The following XXYLT1 variants were observed in gnomAD, a reference collection of about 807,000 sequenced individuals.
The protein encoded by XXYLT1 is xyloside xylosyltransferase 1, also known as UDP-xylose:alpha-xyloside alpha-1,3-xylosyltransferase.
In XXYLT1, 20 loss-of-function variants were observed where a neutral mutation model predicts 28.9. That is an observed-to-expected ratio of 0.69 (90% confidence interval 0.49 to 1.00). XXYLT1 has a LOEUF of 1.00. XXYLT1 is among the 50% of genes least tolerant of loss of function. The probability of loss-of-function intolerance (pLI) is 0.00; values close to 1 mark genes in which losing one functional copy is unlikely to be tolerated. For synonymous variants in XXYLT1, 257 were observed against 253.8 expected, an observed-to-expected ratio of 1.01 and a Z score of -0.12; for missense variants, 542 against 560.1, an observed-to-expected ratio of 0.97 and a Z score of 0.33.
chr3:195,131,392 T>C (rs1160872751), intron 3 of XXYLT1, among the ~76,000 whole-genome samples: 2 of 152,262 alleles, frequency 1.3e-5, no homozygotes, highest in Admixed American at 6.5e-5. Context: ...GGCCTTGGCT[T>C]TGCAGCTAGC....
chr3:195,172,160 T>C (rs1470479394), intron 2 of XXYLT1, among the ~76,000 whole-genome samples: 2 of 152,228 alleles, frequency 1.3e-5, no homozygotes, highest in Non-Finnish European at 2.9e-5. Flanking sequence ...AAAGCACTTC[T>C]AGCCCAGGCG....
intron 2 of XXYLT1, among the ~76,000 whole-genome samples, chr3:195,179,746 C>T (rs1382240444): frequency 1.3e-5 from 2 of 152,056 alleles, no homozygotes; most frequent in Non-Finnish European, 1.5e-5. Flanking sequence ...TTTCATCCTG[C>T]CCATGAGAAA....
At position 195,169,871 on chromosome 3, in the gene XXYLT1, T is replaced by TA. The variant is rs558011536; in HGVS notation, c.653-13291_653-13290insT. Among the ~76,000 whole-genome samples the TA allele has an allele frequency of 6.6e-3, 895 of 135,258 alleles. 1 individual carries two copies. The highest frequency in any genetic ancestry group is 0.046 in the Middle Eastern group (13 of 282). The allele number at this position is 135,258 out of a possible 152,430, so 88.7% of individuals were successfully genotyped here. A position where few individuals can be genotyped will look rare whatever the true frequency, so the allele number is the denominator to read the frequency against. ...TGTGTACATATATATATATATATAT[T>TA]TTTTTTTTTTTGAGATGGAGTTTTG... On this transcript the variant is annotated intron_variant, in intron 2 of 3. Coordinates refer to ENST00000310380, the MANE Select transcript of XXYLT1 (RefSeq NM_152531.5).
At chr3:195,239,310 A>G (rs1724682835) in intron 1 of XXYLT1, among the ~76,000 whole-genome samples, 1 of 152,184 alleles carries the variant, frequency 6.6e-6, no homozygotes, top group South Asian at 2.1e-4. Flanking sequence ...TGCCCAGACC[A>G]GGGGCTGATG....
chr3:195,208,835 G>T (rs562882273), intron 2 of XXYLT1, among the ~76,000 whole-genome samples: 1 of 152,168 alleles, frequency 6.6e-6, no homozygotes, highest in Non-Finnish European at 1.5e-5. Flanking sequence ...TCCCCGGGAG[G>T]TCACTGGGCG....
At chr3:195,080,915 T>C (rs1234804899) in intron 3 of XXYLT1, among the ~76,000 whole-genome samples, 1 of 152,216 alleles carries the variant, frequency 6.6e-6, no homozygotes, top group Non-Finnish European at 1.5e-5. Context: ...GCAAACTGTG[T>C]TACTTCTCAA....
At chr3:195,199,746 T>C (rs920634073) in intron 2 of XXYLT1, among the ~76,000 whole-genome samples, 1 of 152,204 alleles carries the variant, frequency 6.6e-6, no homozygotes, top group African/African-American at 2.4e-5. Flanking sequence ...AAAATCAGGC[T>C]GCAGAGATTC....
At chr3:195,143,865 GATATAGAT>G (rs1196277234) in intron 3 of XXYLT1, among the ~76,000 whole-genome samples, 10 of 76,470 alleles carry the variant, frequency 1.3e-4, no homozygotes, top group African/African-American at 2.5e-4. Context: ...GATATATATA[GATATAGAT>G]ATATATATAT....
Position 195,124,363 on chromosome 3 carries a change from G to A in XXYLT1, c.785+32086C>T, listed in dbSNP as rs1718509885. On this transcript the variant is annotated intron_variant, in intron 3 of 3. Coordinates refer to ENST00000310380, the MANE Select transcript of XXYLT1 (RefSeq NM_152531.5). This position sits in a 1 kb window ranked among gnomAD's most constrained non-coding sequence, Gnocchi z 4.1. ...TTGGGGGCTGGACTGAGATGCTTCT[G>A]GGAGAACGATGGGTATAAATCCAAG... Among the ~76,000 whole-genome samples the A allele has an allele frequency of 6.6e-6, 1 of 152,222 alleles. No individual in the cohort carries two copies. The highest frequency in any genetic ancestry group is 1.5e-5 in the Non-Finnish European group (1 of 68,042).
intron 3 of XXYLT1, among the ~76,000 whole-genome samples, chr3:195,088,050 G>C (rs914325302): frequency 2.6e-5 from 4 of 152,036 alleles, no homozygotes; most frequent in Non-Finnish European, 5.9e-5. Flanking sequence ...ACGGAGTCTC[G>C]CTGATTGCCA....
chr3:195,125,795 T>C (rs1037012456), intron 3 of XXYLT1, among the ~76,000 whole-genome samples: 2 of 152,224 alleles, frequency 1.3e-5, no homozygotes, highest in Admixed American at 6.5e-5. Context: ...GGCGCCAACC[T>C]GGTAGCAGGT....
In XXYLT1 at chr3:195,078,105, C is replaced by A. The variant is rs964956958; in HGVS notation, c.786-7994G>T. The stretch of plus-strand genomic sequence containing the variant: ...ACGGCGGAGCCAGAAACAGCCATGG[C>A]GGAGCTGGGAGGAGTGGGTGTGGGG... On this transcript the variant is annotated intron_variant, in intron 3 of 3. Transcript: ENST00000310380. The surrounding 1 kb of genome is among the most constrained non-coding windows in gnomAD (Gnocchi z 5.0). Among the ~76,000 whole-genome samples the A allele has an allele frequency of 1.3e-5, 2 of 151,990 alleles. No individual in the cohort carries two copies. Among genetic ancestry groups the A allele is most frequent in the Non-Finnish European group, 2.9e-5 (2 of 67,986 alleles).
In XXYLT1 at chr3:195,069,790, G is replaced by A. The variant is rs777758237; in HGVS notation, c.1107C>T (p.Phe369=). The A allele has an allele frequency of 1.6e-5, 26 of 1,614,048 alleles. No homozygotes were observed. In the Admixed American group the frequency reaches 2.5e-4, roughly 16 times the overall value. ...GGCCCTCACACCTGAAATAGGCCTC[G>A]AAGACGTCACTGTAGCCATGGTCCC... ...WWRDHGYSDV[F]EAYFRCEGHV... Residue 369 remains phenylalanine, a synonymous_variant, in exon 4 of 4, where the codon TTC becomes TTT. Coordinates refer to ENST00000310380, the MANE Select transcript of XXYLT1 (RefSeq NM_152531.5).
chr3:195,114,140 C>A (rs1717922406), intron 3 of XXYLT1, among the ~76,000 whole-genome samples: 3 of 152,224 alleles, frequency 2.0e-5, no homozygotes. Flanking sequence ...GGATGATCTG[C>A]CCATGATTTT....
rs1474922148 is a variant in XXYLT1 at position 195,176,844 on chromosome 3, A to AG, written c.653-20264dup. 2.6e-5 allele frequency among the ~76,000 whole-genome samples: 4 copies of AG among 152,234 alleles called. No homozygotes were observed. Among genetic ancestry groups the AG allele is most frequent in the African/African-American group, 9.6e-5 (4 of 41,468 alleles). ...CTTACCTCACAGAGCACAGGCCCAC[A>AG]GGGTCTGCTGGAAAGGTGATCTGAG... On this transcript the variant is annotated intron_variant, in intron 2 of 3. Coordinates refer to ENST00000310380, the MANE Select transcript of XXYLT1 (RefSeq NM_152531.5). This position sits in a 1 kb window ranked among gnomAD's most constrained non-coding sequence, Gnocchi z 4.9.
chr3:195,193,262 T>A (rs1168789179), intron 2 of XXYLT1, among the ~76,000 whole-genome samples: 2 of 150,130 alleles, frequency 1.3e-5, no homozygotes, highest in African/African-American at 4.9e-5. Context: ...CACTCCAGCC[T>A]GTGCCACAGA....
rs555183677 is a variant in XXYLT1, at chr3:195,206,640, G to T, written c.652+20069C>A. 2.2e-4 allele frequency among the ~76,000 whole-genome samples: 34 copies of T among 151,754 alleles called. No individual in the cohort carries two copies. In the East Asian group the frequency reaches 6.6e-3, roughly 30 times the overall value. Reference sequence around the variant, plus strand: ...AAAAATTAGCCGGGCGTGGTGGCACGTGCCTGTAATCCCAGCTACTCAGGA... The same window carrying T: ...AAAAATTAGCCGGGCGTGGTGGCACTTGCCTGTAATCCCAGCTACTCAGGA... On this transcript the variant is annotated intron_variant, in intron 2 of 3. Coordinates refer to ENST00000310380, the MANE Select transcript of XXYLT1 (RefSeq NM_152531.5).
At chr3:195,183,126 G>A (rs568769963) in intron 2 of XXYLT1, among the ~76,000 whole-genome samples, 29 of 152,246 alleles carry the variant, frequency 1.9e-4, no homozygotes, top group African/African-American at 5.1e-4. Flanking sequence ...TCAGGTTTGG[G>A]GCTCTAAATT....
intron 3 of XXYLT1, among the ~76,000 whole-genome samples, chr3:195,082,881 AC>A (rs969008662): frequency 2.6e-5 from 4 of 151,284 alleles, no homozygotes; most frequent in Non-Finnish European, 1.5e-5. Flanking sequence ...GCCATAAGGC[AC>A]CCCCCCTGCC....
Sources: gnomAD v4.1 joint callset for allele counts (sites outside exome capture counted in the v4.1 genomes callset) on GRCh38, gnomAD v4.1.1 for gene constraint, Gnocchi (gnomAD v3.1) non-coding constraint, MANE v1.5 for transcripts, NCBI Gene and HGNC (gene_info 2026-07-23, HGNC 2026-07-21) for gene names.